The following CCSER1 variants were observed in gnomAD, a reference collection of about 807,000 sequenced individuals.
CCSER1 encodes the protein coiled-coil serine rich protein 1.
In CCSER1, 41 loss-of-function variants were observed where a neutral mutation model predicts 82.0. The observed-to-expected ratio is 0.50, with a 90% CI of 0.39 to 0.65. The LOEUF is 0.65. Ranked by LOEUF, CCSER1 falls within the 30% of genes least tolerant of loss-of-function variation. CCSER1 has a pLI of 0.00. For synonymous variants in CCSER1, 414 were observed against 383.9 expected (o/e 1.08, Z -0.92); for missense variants, 1,119 against 1,064.2 (o/e 1.05, Z -0.72).
intron 10 of CCSER1, among the ~76,000 whole-genome samples, chr4:91,389,113 G>A (rs903459561): frequency 6.6e-6 from 1 of 151,966 alleles, no homozygotes; most frequent in Admixed American, 6.6e-5. Flanking sequence ...ATGAATTGGT[G>A]TTATATCTAA....
At chr4:91,128,627 G>A (rs1214540917) in intron 10 of CCSER1, among the ~76,000 whole-genome samples, 2 of 152,032 alleles carry the variant, frequency 1.3e-5, no homozygotes, top group Admixed American at 6.6e-5. Flanking sequence ...GAGAATATGG[G>A]TTGGCCAAAG....
At chr4:91,465,668 G>T (rs970372042) in intron 10 of CCSER1, among the ~76,000 whole-genome samples, 1 of 152,040 alleles carries the variant, frequency 6.6e-6, no homozygotes, top group African/African-American at 2.4e-5. Flanking sequence ...TGATAAAGGG[G>T]ATATCACCAC....
intron 7 of CCSER1, among the ~76,000 whole-genome samples, chr4:90,796,293 T>C (rs545999465): frequency 6.6e-6 from 1 of 150,756 alleles, no homozygotes; most frequent in Non-Finnish European, 1.5e-5. Flanking sequence ...GTATTAATAA[T>C]ATTTTGATTT....
Position 90,364,645 on chromosome 4 carries a change from A to T in CCSER1, c.1510-35391A>T. On this transcript the variant is annotated intron_variant, in intron 3 of 10. Transcript: ENST00000509176. Reference sequence around the variant, plus strand: ...TTCTACTTTAAATTGCATTTTTATTACTATGTACTCAGCCCTAATTCACAA... The same window carrying T: ...TTCTACTTTAAATTGCATTTTTATTTCTATGTACTCAGCCCTAATTCACAA... Among the ~76,000 whole-genome samples the T allele has an allele frequency of 1.3e-5, 2 of 152,012 alleles. 1 individual carries two copies. Among genetic ancestry groups the T allele is most frequent in the East Asian group, 3.8e-4 (2 of 5,196 alleles).
At position 90,400,250 on chromosome 4, in the gene CCSER1, A is replaced by G. The variant is rs1578278528; in HGVS notation, c.1603+121A>G. On this transcript the variant is annotated intron_variant, in intron 4 of 10. Coordinates refer to ENST00000509176, the MANE Select transcript of CCSER1 (RefSeq NM_001145065.2). ...TTTCAGGCCTCAGTTTTTATAGTCT[A>G]TATGCAAAGAACATGCTAGGTACCA... 7 of 433,528 alleles carry G rather than the reference A, an allele frequency of 1.6e-5. No individual in the cohort carries two copies. In the East Asian group the frequency reaches 2.0e-4, roughly 12 times the overall value. 26.9% of individuals were successfully genotyped at this position (433,528 alleles called of 1,614,324 possible).
At chr4:90,675,474 TTTTTTG>T (rs1300273884) in intron 6 of CCSER1, among the ~76,000 whole-genome samples, 33 of 151,970 alleles carry the variant, frequency 2.2e-4, no homozygotes, top group African/African-American at 7.5e-4. Context: ...CAAATTGGTA[TTTTTTG>T]TATTTTAAGT....
At chr4:90,532,843 T>C (rs1424706811) in intron 5 of CCSER1, among the ~76,000 whole-genome samples, 2 of 152,176 alleles carry the variant, frequency 1.3e-5, no homozygotes, top group African/African-American at 4.8e-5. Context: ...AGTAGCTTCC[T>C]CCTCTACTTC....
rs1722141815 is a variant in CCSER1, at chr4:90,886,499, T to C, written c.2095-36871T>C. 2.6e-5 allele frequency among the ~76,000 whole-genome samples: 4 copies of C among 152,328 alleles called. No individual in the cohort carries two copies. In the South Asian group the frequency reaches 8.3e-4, roughly 32 times the overall value. On this transcript the variant is annotated intron_variant, in intron 8 of 10. Coordinates refer to ENST00000509176, the MANE Select transcript of CCSER1 (RefSeq NM_001145065.2). ...TTCTCTTTGGCAGATGTTAAGATAT[T>C]TCTGAAATAATACAGTTGTATATGT...
intron 10 of CCSER1, among the ~76,000 whole-genome samples, chr4:91,221,150 A>T (rs1737709407): frequency 6.6e-6 from 1 of 152,052 alleles, no homozygotes; most frequent in African/African-American, 2.4e-5. Flanking sequence ...TTTCAAACTC[A>T]TATCAGTCTT....
At chr4:90,475,891 C>CT (rs1765009280) in intron 5 of CCSER1, among the ~76,000 whole-genome samples, 1 of 152,168 alleles carries the variant, frequency 6.6e-6, no homozygotes, top group Non-Finnish European at 1.5e-5. Flanking sequence ...CCACTACCCG[C>CT]TACCTTTCAC....
chr4:90,566,671 C>CG (rs1779426128), intron 5 of CCSER1, among the ~76,000 whole-genome samples: 1 of 150,518 alleles, frequency 6.6e-6, no homozygotes, highest in Non-Finnish European at 1.5e-5. Context: ...GGCGCAATCT[C>CG]GGCTCACTGC....
chr4:90,895,218 A>G (rs1351311888), intron 8 of CCSER1, among the ~76,000 whole-genome samples: 1 of 151,962 alleles, frequency 6.6e-6, no homozygotes. Context: ...ACCATATGGC[A>G]CATAACATCA....
chr4:90,288,540 C>T (rs969788605), intron 1 of CCSER1, among the ~76,000 whole-genome samples: 1 of 151,858 alleles, frequency 6.6e-6, no homozygotes, highest in Non-Finnish European at 1.5e-5. Flanking sequence ...CCTCTAATTC[C>T]CTTCTGAATC....
At chr4:90,497,382 A>G (rs1769200466) in intron 5 of CCSER1, among the ~76,000 whole-genome samples, 1 of 152,216 alleles carries the variant, frequency 6.6e-6, no homozygotes. Flanking sequence ...TATGAAGACA[A>G]AGCAAGCCAG....
chr4:91,462,705 G>A (rs1228995008), intron 10 of CCSER1, among the ~76,000 whole-genome samples: 2 of 152,218 alleles, frequency 1.3e-5, no homozygotes, highest in Admixed American at 6.5e-5. Flanking sequence ...CACACCAGGA[G>A]ATTATATCTT....
At chr4:90,977,231 A>G (rs1214636787) in intron 9 of CCSER1, among the ~76,000 whole-genome samples, 2 of 151,526 alleles carry the variant, frequency 1.3e-5, no homozygotes, top group African/African-American at 2.4e-5. Context: ...AGGATTCTTG[A>G]TATCACTTTG....
At chr4:90,665,309 A>C (rs779878974) in intron 6 of CCSER1, among the ~76,000 whole-genome samples, 7 of 149,320 alleles carry the variant, frequency 4.7e-5, no homozygotes, top group Non-Finnish European at 1.5e-5. Flanking sequence ...GGACTGAAAC[A>C]TATGCTGAGA....
chr4:91,537,468 T>C (rs928464568), intron 10 of CCSER1, among the ~76,000 whole-genome samples: 2 of 152,016 alleles, frequency 1.3e-5, no homozygotes, highest in African/African-American at 4.8e-5. Context: ...AAAAAGTGCT[T>C]TGACAATTTT....
intron 7 of CCSER1, among the ~76,000 whole-genome samples, chr4:90,802,508 T>A (rs1756964626): frequency 2.0e-5 from 3 of 151,836 alleles, no homozygotes; most frequent in Admixed American, 2.0e-4. Flanking sequence ...CATATAAAGA[T>A]AGATCTACAA....
Sources: allele counts gnomAD v4.1 joint callset (sites outside exome capture counted in the v4.1 genomes callset), GRCh38; gene constraint gnomAD v4.1.1; transcripts MANE v1.5; gene names NCBI Gene and HGNC (gene_info 2026-07-23, HGNC 2026-07-21).